Variants in AKAP13 observed in about 807,000 individuals in gnomAD.
The protein encoded by AKAP13 is A-kinase anchor protein 13.
AKAP13 carries 80 observed loss-of-function variants against 264.5 expected under a neutral mutation model. The ratio of observed to expected loss-of-function variants is 0.30; its 90% CI spans 0.25 to 0.36. AKAP13 has a LOEUF of 0.36. Ranked by LOEUF, AKAP13 falls within the 10% of genes least tolerant of loss-of-function variation. The probability of loss-of-function intolerance (pLI) is 1.00; values close to 1 mark genes in which losing one functional copy is unlikely to be tolerated. For missense variants in AKAP13, 3,712 were observed against 3,435.2 expected, an observed-to-expected ratio of 1.08 and a Z score of -2.01; for synonymous variants, 1,380 against 1,250.2, an observed-to-expected ratio of 1.10 and a Z score of -2.19.
chr15:85,588,231 G>A (rs1044127332), intron 8 of AKAP13, among the ~76,000 whole-genome samples: 1 of 152,178 alleles, frequency 6.6e-6, no homozygotes, highest in Non-Finnish European at 1.5e-5. Flanking sequence ...AAACCTTGTT[G>A]TATTGGAGTA....
intron 5 of AKAP13, among the ~76,000 whole-genome samples, chr15:85,549,666 G>T (rs890015172): frequency 3.3e-5 from 5 of 152,146 alleles, no homozygotes; most frequent in African/African-American, 1.2e-4. Context: ...GCTGTGGAAT[G>T]CCAAGGCCCA....
chr15:85,745,175 T>G lies in AKAP13; in HGVS notation c.*498T>G, dbSNP rs1486900351. On this transcript the variant is annotated 3_prime_UTR_variant, in exon 37 of 37. Transcript: ENST00000394518. ...AGTCTGCACCAGGCGTCTGGTCAAC[T>G]TAGCACAAGGGCAGTGCCTGGACGG... 6.5e-6 allele frequency: 1 copy of G among 154,042 alleles called. No individual in the cohort carries two copies. The highest frequency in any genetic ancestry group is 2.4e-5 in the African/African-American group (1 of 41,468). 9.5% of individuals were successfully genotyped at this position (154,042 alleles called of 1,614,324 possible).
chr15:85,484,413 TGAGCCAGGAG>T (rs1392740031), intron 1 of AKAP13, among the ~76,000 whole-genome samples: 1 of 151,992 alleles, frequency 6.6e-6, no homozygotes, highest in Admixed American at 6.6e-5. Context: ...AAGAGTGCCC[TGAGCCAGGAG>T]GTCTGTTATA....
intron 1 of AKAP13, chr15:85,481,151 T>G (rs1363970577): frequency 2.0e-5 from 3 of 152,302 alleles, no homozygotes; most frequent in African/African-American, 7.2e-5. Context: ...CCATATAACT[T>G]CATGCCTGAG....
chr15:85,698,663 G>A (rs1178175740), intron 17 of AKAP13, among the ~76,000 whole-genome samples: 2 of 151,746 alleles, frequency 1.3e-5, no homozygotes, highest in African/African-American at 2.4e-5. Flanking sequence ...TTATTTACAG[G>A]CCTGGCACGG....
chr15:85,438,176 GACAA>G (rs59554706), intron 1 of AKAP13, among the ~76,000 whole-genome samples: 2,783 of 144,040 alleles, frequency 0.019, 82 homozygotes, highest in African/African-American at 0.069. Flanking sequence ...ACCAACAACA[GACAA>G]ACAGAGAGCC....
At chr15:85,730,997 C>CTTTTTTTTTTTTTTTT (rs71468134) in intron 30 of AKAP13, among the ~76,000 whole-genome samples, 1 of 57,380 alleles carries the variant, frequency 1.7e-5, no homozygotes, top group Non-Finnish European at 2.9e-5. Flanking sequence ...GTCACTTATG[C>CTTTTTTTTTTTTTTTT]TTTTTTTTTT....
intron 8 of AKAP13, among the ~76,000 whole-genome samples, chr15:85,637,436 G>A (rs1037733972): frequency 9.9e-5 from 15 of 152,120 alleles, no homozygotes; most frequent in South Asian, 4.1e-4. Context: ...AGTAATGTTC[G>A]TAATATTTCT....
Position 85,681,299 on chromosome 15 carries a change from C to T in AKAP13, c.5102-859C>T, listed in dbSNP as rs972984334. The stretch of plus-strand genomic sequence containing the variant: ...CCCTGGAATATACATGGAAATAGTT[C>T]TATAACTGATGTCCTGAAAATTGAA... On this transcript the variant is annotated intron_variant, in intron 14 of 36. Transcript: ENST00000394518. Among the ~76,000 whole-genome samples, 4 of 152,200 alleles carry T rather than the reference C, an allele frequency of 2.6e-5. No individual in the cohort carries two copies. In the East Asian group the frequency reaches 7.7e-4, roughly 29 times the overall value.
intron 1 of AKAP13, among the ~76,000 whole-genome samples, chr15:85,460,407 C>G (rs2074464171): frequency 6.6e-6 from 1 of 152,232 alleles, no homozygotes; most frequent in Non-Finnish European, 1.5e-5. Flanking sequence ...TGGAAGTTCA[C>G]TGGTGTGACA....
chr15:85,704,358 G>C (rs947796335), intron 17 of AKAP13, among the ~76,000 whole-genome samples: 3 of 152,120 alleles, frequency 2.0e-5, no homozygotes, highest in African/African-American at 7.2e-5. Flanking sequence ...ATTTTCTTAA[G>C]TTAGCCTCGC....
chr15:85,624,559 C>T (rs1022275396), intron 8 of AKAP13: 1 of 152,198 alleles, frequency 6.6e-6, no homozygotes, highest in African/African-American at 2.4e-5. Context: ...AGATACTGTC[C>T]AATTCCCTGA....
intron 5 of AKAP13, among the ~76,000 whole-genome samples, chr15:85,548,904 T>G (rs76181135): frequency 2.1e-5 from 3 of 141,758 alleles, no homozygotes; most frequent in African/African-American, 8.3e-5. Flanking sequence ...CTCAGTGCCT[T>G]TTTTTTTTTT....
chr15:85,662,594 C>T, intron 12 of AKAP13: 1 of 914,840 alleles, frequency 1.1e-6, no homozygotes, highest in Admixed American at 1.9e-5. Context: ...ATTTCATTGC[C>T]TTTGCTATGG....
At position 85,485,739 on chromosome 15, in the gene AKAP13, C is replaced by G. The variant is rs751142500; in HGVS notation, c.19C>G (p.Gln7Glu). The change falls in exon 2 of 37, where the codon CAA becomes GAA. Residue 7 changes from glutamine (Q) to glutamate (E), a missense_variant. By Grantham distance (29) the Gln-to-Glu change is conservative (BLOSUM62 2). Transcript: ENST00000394518. Reference sequence around the variant, plus strand: ...CTGGGTCATGAAACTTAATCCACAGCAAGCTCCCTTATATGTGAGTAAATC... The same window carrying G: ...CTGGGTCATGAAACTTAATCCACAGGAAGCTCCCTTATATGTGAGTAAATC... MKLNPQ[Q>E]APLYGDCVVT... The G allele has an allele frequency of 6.2e-7, 1 of 1,613,148 alleles. No homozygotes were observed. Among genetic ancestry groups the G allele is most frequent in the Non-Finnish European group, 8.5e-7 (1 of 1,179,374 alleles).
chr15:85,721,932 A>G lies in AKAP13; in HGVS notation c.6253-59A>G, dbSNP rs1259646851. 24 of 1,595,408 alleles carry G rather than the reference A, an allele frequency of 1.5e-5. No homozygotes were observed. The East Asian group carries it at 5.2e-4, about 34-fold the overall frequency. ...TACAACTAGACTGGAAACATTTTAC[A>G]AAATGGTATTATGAGTTTGGCGCCC... is the stretch of plus-strand genomic sequence containing the variant. On this transcript the variant is annotated intron_variant, in intron 23 of 36. Coordinates refer to ENST00000394518, the MANE Select transcript of AKAP13 (RefSeq NM_007200.5).
At chr15:85,649,585 CT>C (rs2082712401) in intron 10 of AKAP13, among the ~76,000 whole-genome samples, 1 of 152,194 alleles carries the variant, frequency 6.6e-6, no homozygotes, top group Non-Finnish European at 1.5e-5. Context: ...CCATTTGTGT[CT>C]CTGGCCTCAC....
intron 19 of AKAP13, among the ~76,000 whole-genome samples, chr15:85,711,397 G>T (rs190412658): frequency 7.0e-4 from 106 of 152,034 alleles, no homozygotes; most frequent in Non-Finnish European, 2.8e-4. Context: ...TATATTTAAT[G>T]TATGTCCTTC....
At chr15:85,487,243 G>A (rs893185792) in intron 2 of AKAP13, among the ~76,000 whole-genome samples, 8 of 152,098 alleles carry the variant, frequency 5.3e-5, no homozygotes, top group Non-Finnish European at 8.8e-5. Flanking sequence ...ATCTGGATGC[G>A]TTTTATTTCT....
Sources: allele counts gnomAD v4.1 joint callset (sites outside exome capture counted in the v4.1 genomes callset), GRCh38; gene constraint gnomAD v4.1.1; transcripts MANE v1.5; gene names NCBI Gene and HGNC (gene_info 2026-07-23, HGNC 2026-07-21).